The following PXDNL variants were observed in gnomAD, a reference collection of about 807,000 sequenced individuals.
PXDNL encodes peroxidasin like.
PXDNL carries 145 observed loss-of-function variants against 150.8 expected under a neutral mutation model. The ratio of observed to expected loss-of-function variants is 0.96; its 90% CI spans 0.84 to 1.10. The LOEUF is 1.10. Ranked by LOEUF, PXDNL falls within the 50% of genes least tolerant of loss-of-function variation. The pLI, the probability that PXDNL is intolerant of heterozygous loss-of-function variation, is 0.00. For missense variants in PXDNL, 2,087 were observed against 1,873.9 expected (o/e 1.11, Z -2.10); for synonymous variants, 757 against 725.7 (o/e 1.04, Z -0.69).
At chr8:51,471,679 ATTTTTTTTTTTGG>A (rs1326002909) in intron 8 of PXDNL, among the ~76,000 whole-genome samples, 1 of 146,338 alleles carries the variant, frequency 6.8e-6, no homozygotes, top group Non-Finnish European at 1.5e-5. Flanking sequence ...GAAATGCATA[ATTTTTTTTTTTGG>A]TTTTTTTTTT....
chr8:51,403,304 G>A (rs1350831551), intron 17 of PXDNL, among the ~76,000 whole-genome samples: 5 of 152,096 alleles, frequency 3.3e-5, no homozygotes, highest in Admixed American at 3.3e-4. Flanking sequence ...ATTTGTACAT[G>A]TCACAAATCC....
intron 1 of PXDNL, chr8:51,721,800 G>A (rs1816736592): frequency 2.9e-6 from 1 of 345,044 alleles, no homozygotes; most frequent in Non-Finnish European, 5.7e-6. Flanking sequence ...TGGAGCTCCA[G>A]CCAGCCTCCT....
At chr8:51,363,242 G>A (rs761218740) in intron 19 of PXDNL, among the ~76,000 whole-genome samples, 13 of 152,244 alleles carry the variant, frequency 8.5e-5, no homozygotes, top group East Asian at 1.9e-4. Context: ...TGGGTGCCAC[G>A]TGGCTAAATG....
At chr8:51,593,922 T>A (rs956244172) in intron 2 of PXDNL, among the ~76,000 whole-genome samples, 3 of 152,204 alleles carry the variant, frequency 2.0e-5, no homozygotes, top group African/African-American at 7.2e-5. Flanking sequence ...TAGTCCACCA[T>A]GTGTTCAAGG....
At chr8:51,781,137 G>A (rs138292450) in intron 1 of PXDNL, among the ~76,000 whole-genome samples, 61 of 152,250 alleles carry the variant, frequency 4.0e-4, no homozygotes, top group African/African-American at 1.4e-3. Context: ...GGGGTCTACA[G>A]CACATAGGTT....
At chr8:51,533,947 T>C (rs2130445389) in intron 4 of PXDNL, among the ~76,000 whole-genome samples, 1 of 147,310 alleles carries the variant, frequency 6.8e-6, no homozygotes, top group East Asian at 2.1e-4. Context: ...TGGCCCCCCA[T>C]CGTCTGGGAT....
At chr8:51,354,915 A>C (rs1373179544) in intron 19 of PXDNL, among the ~76,000 whole-genome samples, 1 of 149,916 alleles carries the variant, frequency 6.7e-6, no homozygotes, top group Non-Finnish European at 1.5e-5. Context: ...TATATCACTG[A>C]ACACTCATTC....
chr8:51,340,738 A>G (rs1276999596), intron 20 of PXDNL, among the ~76,000 whole-genome samples: 1 of 152,204 alleles, frequency 6.6e-6, no homozygotes, highest in Non-Finnish European at 1.5e-5. Flanking sequence ...TCACTGGATA[A>G]CTCCATGTCC....
intron 2 of PXDNL, among the ~76,000 whole-genome samples, chr8:51,616,925 G>A (rs1246166483): frequency 1.3e-5 from 2 of 151,980 alleles, no homozygotes; most frequent in Non-Finnish European, 2.9e-5. Context: ...ATTCTATATT[G>A]TATTTTTATT....
At chr8:51,663,942 T>G (rs958472815) in intron 1 of PXDNL, among the ~76,000 whole-genome samples, 4 of 151,544 alleles carry the variant, frequency 2.6e-5, no homozygotes, top group Non-Finnish European at 4.4e-5. Flanking sequence ...TCCCAGCTAC[T>G]TGGGAGGCTG....
At chr8:51,610,364 T>C (rs1005960955) in intron 2 of PXDNL, among the ~76,000 whole-genome samples, 3 of 152,222 alleles carry the variant, frequency 2.0e-5, no homozygotes, top group African/African-American at 7.2e-5. Flanking sequence ...GTTTTATTTA[T>C]AATAGTATAT....
intron 5 of PXDNL, among the ~76,000 whole-genome samples, chr8:51,494,365 G>A (rs1017573402): frequency 4.6e-5 from 7 of 151,582 alleles, no homozygotes; most frequent in Admixed American, 1.3e-4. Flanking sequence ...GGAAGAAACT[G>A]CACCAACTAA....
intron 4 of PXDNL, among the ~76,000 whole-genome samples, chr8:51,547,751 G>C (rs1206711589): frequency 6.6e-6 from 1 of 152,130 alleles, no homozygotes; most frequent in Non-Finnish European, 1.5e-5. Flanking sequence ...GAAGGAACCA[G>C]AAAAGTAATT....
chr8:51,556,714 T>G (rs1812607460), intron 4 of PXDNL, 126 bp downstream of exon 4: 1 of 655,454 alleles, frequency 1.5e-6, no homozygotes, highest in African/African-American at 1.8e-5. Flanking sequence ...ATGACAGATA[T>G]TCAATCATTC....
At chr8:51,613,711 A>C (rs1215246818) in intron 2 of PXDNL, among the ~76,000 whole-genome samples, 1 of 152,146 alleles carries the variant, frequency 6.6e-6, no homozygotes, top group Non-Finnish European at 1.5e-5. Flanking sequence ...CATAGGATTA[A>C]TCATGATATT....
intron 1 of PXDNL, among the ~76,000 whole-genome samples, chr8:51,681,145 T>C (rs1304903304): frequency 1.3e-5 from 2 of 152,160 alleles, no homozygotes. Flanking sequence ...ACCCATTCAA[T>C]GGACCAAACT....
At chr8:51,391,359 C>G (rs1378308496) in intron 17 of PXDNL, among the ~76,000 whole-genome samples, 3 of 152,122 alleles carry the variant, frequency 2.0e-5, no homozygotes, top group Non-Finnish European at 4.4e-5. Flanking sequence ...GTCCCACCAA[C>G]AGTGTAAAAG....
intron 12 of PXDNL, among the ~76,000 whole-genome samples, chr8:51,432,182 C>T (rs1343148270): frequency 1.3e-5 from 2 of 152,236 alleles, no homozygotes; most frequent in South Asian, 2.1e-4. Context: ...TGTAATTTCA[C>T]CTTCTCCCTG....
At chr8:51,390,682 T>C (rs1193971203) in intron 17 of PXDNL, among the ~76,000 whole-genome samples, 1 of 152,142 alleles carries the variant, frequency 6.6e-6, no homozygotes, top group Non-Finnish European at 1.5e-5. Flanking sequence ...GGATCGCTAT[T>C]TGTTTAATGA....
Sources: allele counts gnomAD v4.1 joint callset (sites outside exome capture counted in the v4.1 genomes callset), GRCh38; gene constraint gnomAD v4.1.1; transcripts MANE v1.5; gene names NCBI Gene and HGNC (gene_info 2026-07-23, HGNC 2026-07-21).